ZNF804A: variants seen among roughly 807,000 people sequenced by gnomAD.
ZNF804A encodes zinc finger protein 804A.
Under a neutral mutation model 16.5 loss-of-function variants are expected in ZNF804A, and 2 were observed. The observed-to-expected ratio is 0.12, with a 90% CI of 0.05 to 0.38. The LOEUF (loss-of-function observed/expected upper bound fraction) is 0.38. Among genes scored for constraint, ZNF804A ranks in the 10% least tolerant of loss-of-function variants. The pLI, the probability that ZNF804A is intolerant of heterozygous loss-of-function variation, is 0.99. For synonymous variants in ZNF804A, 534 were observed against 489.6 expected (o/e 1.09, Z -1.20); for missense variants, 1,473 against 1,390.7 (o/e 1.06, Z -0.94).
chr2:184,810,555 A>T (rs570830569), intron 1 of ZNF804A, among the ~76,000 whole-genome samples: 2 of 130,890 alleles, frequency 1.5e-5, no homozygotes, highest in Middle Eastern at 5.7e-3. Context: ...CAGTGGAGCG[A>T]TCTCTGCTTA....
intron 1 of ZNF804A, among the ~76,000 whole-genome samples, chr2:184,645,313 A>C (rs1398590447): frequency 6.6e-6 from 1 of 152,140 alleles, no homozygotes; most frequent in Non-Finnish European, 1.5e-5. Context: ...ACTTACTGCC[A>C]TAGTTTTCTA....
intron 2 of ZNF804A, among the ~76,000 whole-genome samples, chr2:184,887,926 AT>A (rs1408522959): frequency 6.6e-6 from 1 of 152,168 alleles, no homozygotes; most frequent in Non-Finnish European, 1.5e-5. Flanking sequence ...AACATTGAGT[AT>A]ATATGGACAC....
At chr2:184,807,624 G>A (rs1694828762) in intron 1 of ZNF804A, among the ~76,000 whole-genome samples, 1 of 151,708 alleles carries the variant, frequency 6.6e-6, no homozygotes, top group Non-Finnish European at 1.5e-5. Context: ...ATGCAAGAAA[G>A]CAAATTTGAC....
At chr2:184,879,297 A>C (rs1684769124) in intron 2 of ZNF804A, among the ~76,000 whole-genome samples, 1 of 152,032 alleles carries the variant, frequency 6.6e-6, no homozygotes, top group African/African-American at 2.4e-5. Context: ...ACAGTCTTTA[A>C]CTCACTTAAA....
At chr2:184,708,760 A>T (rs576614522) in intron 1 of ZNF804A, among the ~76,000 whole-genome samples, 12 of 152,164 alleles carry the variant, frequency 7.9e-5, no homozygotes, top group Admixed American at 1.3e-4. Context: ...TATGTAAAGT[A>T]ATCTCTGTCC....
intron 2 of ZNF804A, among the ~76,000 whole-genome samples, chr2:184,922,344 A>G (rs1050825268): frequency 6.6e-6 from 1 of 152,056 alleles, no homozygotes; most frequent in South Asian, 2.1e-4. Context: ...ACATTTCTCT[A>G]ATAGTCAATG....
rs553677104 is a variant in ZNF804A at position 184,728,336 on chromosome 2, G to T, written c.111+129266G>T. Reference sequence around the variant, plus strand: ...TATGGGATGATACACAAAAATTAAAGCTGATTTCTCACTTTGAGCTATGCC... The same window carrying T: ...TATGGGATGATACACAAAAATTAAATCTGATTTCTCACTTTGAGCTATGCC... On this transcript the variant is annotated intron_variant, in intron 1 of 3. Transcript: ENST00000302277. Among the ~76,000 whole-genome samples the T allele has an allele frequency of 2.0e-5, 3 of 151,882 alleles. 1 individual carries two copies. In the South Asian group the frequency reaches 6.2e-4, roughly 32 times the overall value.
chr2:184,938,103 A>G lies in ZNF804A; in HGVS notation c.2707A>G (p.Thr903Ala), dbSNP rs1235435197. The change falls in exon 4 of 4, where the codon ACT (threonine) becomes GCT (alanine). Residue 903 changes from threonine to alanine, a missense_variant. Coordinates refer to ENST00000302277, the MANE Select transcript of ZNF804A (RefSeq NM_194250.2). ...GETEHLEMET[T>A]SGELSDVSND... ...AACTGAGCATTTAGAAATGGAGACCACTTCTGGTGAATTGTCAGATGTTTC... is the reference window on the plus strand; with the variant it reads ...AACTGAGCATTTAGAAATGGAGACCGCTTCTGGTGAATTGTCAGATGTTTC... The G allele has an allele frequency of 6.2e-7, 1 of 1,614,122 alleles. No homozygotes were observed. The highest frequency in any genetic ancestry group is 1.1e-5 in the South Asian group (1 of 91,080).
chr2:184,679,019 T>C (rs1308105777), intron 1 of ZNF804A, among the ~76,000 whole-genome samples: 3 of 152,158 alleles, frequency 2.0e-5, no homozygotes, highest in African/African-American at 4.8e-5. Context: ...CTGACTTTAA[T>C]GTAATAATAA....
chr2:184,897,410 A>T (rs77894469), intron 2 of ZNF804A, among the ~76,000 whole-genome samples: 1 of 143,394 alleles, frequency 7.0e-6, no homozygotes, highest in African/African-American at 2.6e-5. Flanking sequence ...CAATTTTTGG[A>T]TTTTTCCCCC....
At chr2:184,899,496 T>A (rs921951832) in intron 2 of ZNF804A, among the ~76,000 whole-genome samples, 19 of 152,024 alleles carry the variant, frequency 1.2e-4, no homozygotes, top group African/African-American at 4.6e-4. Flanking sequence ...GCAGATGGCA[T>A]GGATTCTAGG....
chr2:184,838,468 C>A (rs1695388270), intron 1 of ZNF804A, among the ~76,000 whole-genome samples: 1 of 151,920 alleles, frequency 6.6e-6, no homozygotes, highest in Non-Finnish European at 1.5e-5. Context: ...CATAAATATT[C>A]AATATTATTA....
chr2:184,626,387 A>T (rs1166776191), intron 1 of ZNF804A, among the ~76,000 whole-genome samples: 1 of 152,144 alleles, frequency 6.6e-6, no homozygotes, highest in Non-Finnish European at 1.5e-5. Context: ...AAAAGAATTT[A>T]TGCTTTTGGA....
chr2:184,734,072 G>A (rs1055607152), intron 1 of ZNF804A, among the ~76,000 whole-genome samples: 5 of 151,748 alleles, frequency 3.3e-5, no homozygotes, highest in Admixed American at 3.3e-4. Context: ...TTCTATTTAT[G>A]TATTTATTTG....
In ZNF804A at chr2:184,935,859, G is replaced by A. The variant is rs775157163; in HGVS notation, c.463G>A (p.Val155Ile). 1 of 1,613,720 alleles carries A rather than the reference G, an allele frequency of 6.2e-7. No individual in the cohort carries two copies. The highest frequency in any genetic ancestry group is 1.1e-5 in the South Asian group (1 of 91,058). Residue 155 changes from valine (V) to isoleucine (I), a missense_variant, in exon 4 of 4, where the codon GTT (valine) becomes ATT (isoleucine). Coordinates refer to ENST00000302277, the MANE Select transcript of ZNF804A (RefSeq NM_194250.2). ...AAACTGTAATGAAATTTCCCAACGA[G>A]TTGTTGTGGATTCAGTTAATAACCA... ...RENCNEISQRVVVDSVNNQQD... is the reference protein window; with the variant it reads ...RENCNEISQRIVVDSVNNQQD...
At chr2:184,914,760 A>T (rs971317290) in intron 2 of ZNF804A, among the ~76,000 whole-genome samples, 2 of 152,164 alleles carry the variant, frequency 1.3e-5, no homozygotes, top group Middle Eastern at 3.6e-3. Context: ...ACACGTATAT[A>T]GCATAATATT....
intron 2 of ZNF804A, among the ~76,000 whole-genome samples, chr2:184,897,850 C>T (rs149881391): frequency 3.9e-5 from 6 of 152,102 alleles, no homozygotes; most frequent in Non-Finnish European, 5.9e-5. Context: ...TTCTTTAGGA[C>T]GCTAGAGTAT....
chr2:184,654,977 T>C (rs991322568), intron 1 of ZNF804A, among the ~76,000 whole-genome samples: 11 of 152,194 alleles, frequency 7.2e-5, no homozygotes, highest in Admixed American at 2.6e-4. Flanking sequence ...GATGCCACCA[T>C]GGCTAGCTAA....
At chr2:184,853,618 T>A (rs1695639805) in intron 1 of ZNF804A, among the ~76,000 whole-genome samples, 1 of 151,088 alleles carries the variant, frequency 6.6e-6, no homozygotes, top group Admixed American at 6.6e-5. Flanking sequence ...ATGTTGAGTT[T>A]AGTTAAATTT....
Sources: gnomAD v4.1 joint callset for allele counts (sites outside exome capture counted in the v4.1 genomes callset) on GRCh38, gnomAD v4.1.1 for gene constraint, MANE v1.5 for transcripts, NCBI Gene and HGNC (gene_info 2026-07-23, HGNC 2026-07-21) for gene names.